CADPS: variants seen among roughly 807,000 people sequenced by gnomAD.
The protein encoded by CADPS is calcium dependent secretion activator, also known as calcium-dependent secretion activator 1.
In CADPS, 57 loss-of-function variants were observed where a neutral mutation model predicts 167.3. The observed-to-expected ratio is 0.34, with a 90% CI of 0.28 to 0.42. The LOEUF (loss-of-function observed/expected upper bound fraction) is 0.42, where lower values mean the gene tolerates loss of function less well. Ranked by LOEUF, CADPS falls within the 20% of genes least tolerant of loss-of-function variation. The probability of loss-of-function intolerance (pLI) is 1.00; values close to 1 mark genes in which losing one functional copy is unlikely to be tolerated. For synonymous variants in CADPS, 676 were observed against 635.3 expected, an observed-to-expected ratio of 1.06 and a Z score of -0.96; for missense variants, 1,414 against 1,738.1, an observed-to-expected ratio of 0.81 and a Z score of 3.32.
At chr3:62,629,659 C>T (rs537021984) in intron 6 of CADPS, among the ~76,000 whole-genome samples, 16 of 152,266 alleles carry the variant, frequency 1.1e-4, no homozygotes, top group Admixed American at 2.6e-4. Context: ...ACAGTTAAAA[C>T]GGAAATCAAA....
intron 21 of CADPS, among the ~76,000 whole-genome samples, chr3:62,489,359 A>T (rs1400097717): frequency 1.3e-5 from 2 of 152,088 alleles, no homozygotes; most frequent in East Asian, 3.9e-4. Flanking sequence ...ACGGGGTTTC[A>T]CCGTGTTAGC....
At chr3:62,676,774 G>A (rs2076398666) in intron 3 of CADPS, among the ~76,000 whole-genome samples, 1 of 152,114 alleles carries the variant, frequency 6.6e-6, no homozygotes, top group Non-Finnish European at 1.5e-5. Context: ...TTCTGACCGT[G>A]CTTAATAGAT....
At chr3:62,827,848 T>C (rs1576980763) in intron 1 of CADPS, among the ~76,000 whole-genome samples, 1 of 152,158 alleles carries the variant, frequency 6.6e-6, no homozygotes, top group African/African-American at 2.4e-5. Flanking sequence ...AGTGTAATCA[T>C]TGTAATACCT....
intron 18 of CADPS, among the ~76,000 whole-genome samples, chr3:62,494,294 C>T (rs2064255106): frequency 6.6e-6 from 1 of 152,174 alleles, no homozygotes; most frequent in African/African-American, 2.4e-5. Context: ...AGAAACCCTC[C>T]ATGCCACCCC....
chr3:62,764,783 T>C (rs1576068365), intron 2 of CADPS, among the ~76,000 whole-genome samples: 2 of 152,284 alleles, frequency 1.3e-5, no homozygotes, highest in East Asian at 3.9e-4. Context: ...CACACCAACA[T>C]TTTTGTTTTG....
intron 8 of CADPS, among the ~76,000 whole-genome samples, chr3:62,578,448 A>C (rs562777292): frequency 4.6e-5 from 7 of 151,802 alleles, no homozygotes; most frequent in Non-Finnish European, 1.0e-4. Context: ...GTCTGTACTA[A>C]AAATACAAAA....
At chr3:62,710,440 G>C (rs71296791) in intron 3 of CADPS, among the ~76,000 whole-genome samples, 25,340 of 151,832 alleles carry the variant, frequency 0.17, 2,239 homozygotes, top group South Asian at 0.25. Flanking sequence ...GAAAGTTACC[G>C]AACCTCTCCA....
At chr3:62,706,484 C>G (rs919099741) in intron 3 of CADPS, among the ~76,000 whole-genome samples, 1 of 152,110 alleles carries the variant, frequency 6.6e-6, no homozygotes, top group Non-Finnish European at 1.5e-5. Context: ...ACTGCTGTCA[C>G]AAGTACCACT....
In CADPS at chr3:62,790,731, C is replaced by G. The variant is rs190199301; in HGVS notation, c.442-24747G>C. ...CAATGATCAAAAGTTATTTTCCTTG[C>G]TCTATTGACAACGACTATGGCTTCT... is the stretch of plus-strand genomic sequence containing the variant. On this transcript the variant is annotated intron_variant, in intron 1 of 29. Coordinates refer to ENST00000383710, the MANE Select transcript of CADPS (RefSeq NM_003716.4). Among the ~76,000 whole-genome samples the G allele has an allele frequency of 1.3e-4, 20 of 152,262 alleles. 1 individual carries two copies. Among genetic ancestry groups the G allele is most frequent in the Admixed American group, 1.2e-3 (19 of 15,290 alleles).
At chr3:62,553,707 A>C (rs956164937) in intron 10 of CADPS, among the ~76,000 whole-genome samples, 17 of 152,238 alleles carry the variant, frequency 1.1e-4, no homozygotes, top group African/African-American at 4.1e-4. Flanking sequence ...CCAGAGGCTG[A>C]GGACACACCA....
intron 28 of CADPS, among the ~76,000 whole-genome samples, chr3:62,408,975 G>C (rs763989061): frequency 1.3e-5 from 2 of 152,172 alleles, no homozygotes; most frequent in African/African-American, 4.8e-5. Flanking sequence ...ATGCACTCAC[G>C]TGCATGTACA....
At chr3:62,851,508 G>A (rs535482193) in intron 1 of CADPS, among the ~76,000 whole-genome samples, 3 of 149,392 alleles carry the variant, frequency 2.0e-5, no homozygotes, top group East Asian at 4.0e-4. Context: ...TGTCTGTAAA[G>A]TATTTTATTT....
At chr3:62,573,145 G>A (rs1184178585) in intron 8 of CADPS, among the ~76,000 whole-genome samples, 1 of 152,184 alleles carries the variant, frequency 6.6e-6, no homozygotes, top group Non-Finnish European at 1.5e-5. Flanking sequence ...GCCTCCCAAA[G>A]TGCTGGGCTT....
intron 11 of CADPS, among the ~76,000 whole-genome samples, chr3:62,539,744 TAAC>T (rs904528091): frequency 6.6e-6 from 1 of 152,158 alleles, no homozygotes; most frequent in Non-Finnish European, 1.5e-5. Context: ...CTCACTCTAT[TAAC>T]AAATATTTTT....
chr3:62,415,018 T>A (rs2049755220), intron 28 of CADPS, among the ~76,000 whole-genome samples: 2 of 152,198 alleles, frequency 1.3e-5, no homozygotes, highest in African/African-American at 4.8e-5. Context: ...TCCCGTCTGA[T>A]GCTTTGTCTC....
intron 28 of CADPS, among the ~76,000 whole-genome samples, chr3:62,415,920 A>G (rs2049972787): frequency 6.6e-6 from 1 of 152,248 alleles, no homozygotes; most frequent in Middle Eastern, 3.4e-3. Flanking sequence ...TTGTTCTGCA[A>G]AATACCCTTC....
intron 3 of CADPS, among the ~76,000 whole-genome samples, chr3:62,728,895 A>T (rs1433164180): frequency 6.6e-6 from 1 of 151,858 alleles, no homozygotes; most frequent in Non-Finnish European, 1.5e-5. Flanking sequence ...AACTGCTTGC[A>T]ATTTGGAATG....
Position 62,527,072 on chromosome 3 carries a change from C to T in CADPS, c.2291+5799G>A, listed in dbSNP as rs536733216. On this transcript the variant is annotated intron_variant, in intron 13 of 29. Transcript: ENST00000383710. ...TGCCAAATGAAATTATTTGAGGATG[C>T]CACCTAGTACTCTGCATTTTATAAA... Among the ~76,000 whole-genome samples the T allele has an allele frequency of 1.8e-3, 278 of 152,276 alleles. 1 individual carries two copies. Among genetic ancestry groups the T allele is most frequent in the Admixed American group, 3.7e-3 (57 of 15,290 alleles).
In CADPS at chr3:62,602,933, TC is replaced by T. The variant is rs778034120; in HGVS notation, c.1326-10186del. Among the ~76,000 whole-genome samples, 1 of 152,108 alleles carries T rather than the reference TC, an allele frequency of 6.6e-6. No individual in the cohort carries two copies. Among genetic ancestry groups the T allele is most frequent in the Admixed American group, 6.5e-5 (1 of 15,272 alleles). Reference sequence around the variant, plus strand: ...CCGTCTTGTCACCGGATCTTTCAAATCCCCTACGTATATCACAAATCTGATT... The same window carrying T: ...CCGTCTTGTCACCGGATCTTTCAAATCCCTACGTATATCACAAATCTGATT... On this transcript the variant is annotated intron_variant, in intron 6 of 29. Transcript: ENST00000383710. The surrounding 1 kb of genome is among the most constrained non-coding windows in gnomAD (Gnocchi z 4.4).
Sources: allele counts gnomAD v4.1 joint callset (sites outside exome capture counted in the v4.1 genomes callset), GRCh38; gene constraint gnomAD v4.1.1; non-coding constraint Gnocchi (gnomAD v3.1); transcripts MANE v1.5; gene names NCBI Gene and HGNC (gene_info 2026-07-23, HGNC 2026-07-21).